NEO1: variants seen among roughly 807,000 people sequenced by gnomAD.
NEO1 encodes neogenin.
NEO1 carries 63 observed loss-of-function variants against 159.7 expected under a neutral mutation model. The observed-to-expected ratio is 0.39, with a 90% CI of 0.32 to 0.49. NEO1 has a LOEUF of 0.49. NEO1 is among the 20% of genes least tolerant of loss of function. The pLI is 0.85. For missense variants in NEO1, 1,615 were observed against 1,831.0 expected (o/e 0.88, Z 2.15); for synonymous variants, 633 against 662.0 (o/e 0.96, Z 0.67).
At chr15:73,217,299 TG>T (rs1261016962) in intron 7 of NEO1, among the ~76,000 whole-genome samples, 1 of 150,508 alleles carries the variant, frequency 6.6e-6, no homozygotes, top group East Asian at 1.9e-4. Context: ...ATCTCTGTTT[TG>T]GTACCAGTAC....
chr15:73,288,749 G>A (rs549840574), intron 24 of NEO1, among the ~76,000 whole-genome samples, 198 bp downstream of exon 24: 61 of 152,046 alleles, frequency 4.0e-4, no homozygotes, highest in Non-Finnish European at 6.8e-4. Flanking sequence ...GTAGCCATAC[G>A]AGACAATCTT....
chr15:73,254,360 C>G (rs963940871), intron 12 of NEO1, among the ~76,000 whole-genome samples: 1 of 152,114 alleles, frequency 6.6e-6, no homozygotes, highest in Admixed American at 6.5e-5. Flanking sequence ...GTTCCCTAAT[C>G]CATGTGCTTC....
chr15:73,134,482 G>A (rs2031513405), intron 4 of NEO1, among the ~76,000 whole-genome samples: 1 of 151,628 alleles, frequency 6.6e-6, no homozygotes, highest in African/African-American at 2.4e-5. Context: ...TATTTATTTA[G>A]AATGAGAATT....
chr15:73,142,120 C>T (rs1371861508), intron 5 of NEO1, among the ~76,000 whole-genome samples: 1 of 151,900 alleles, frequency 6.6e-6, no homozygotes, highest in African/African-American at 2.4e-5. Context: ...CAGCATAAAG[C>T]ACTTTTATTG....
chr15:73,093,470 A>G (rs1044873769), intron 1 of NEO1, among the ~76,000 whole-genome samples: 2 of 151,904 alleles, frequency 1.3e-5, no homozygotes, highest in Non-Finnish European at 2.9e-5. Flanking sequence ...TTTCAACTGT[A>G]TATTATGAAC....
Position 73,293,397 on chromosome 15 carries a change from T to A in NEO1, c.3750T>A (p.Ile1250=). ...PFDSQPPQPV[I]SAHPIHSLDN... is the part of the protein sequence containing the mutation. ...TCTTGTGTTCATTCACAGCTGTGAT[T>A]AGTGCCCATCCCATCCATTCCCTCG... Residue 1250 remains isoleucine (I), a synonymous_variant, in exon 26 of 29, where the codon ATT becomes ATA. Transcript: ENST00000261908. 6.2e-7 allele frequency: 1 copy of A among 1,614,188 alleles called. No homozygotes were observed. The highest frequency in any genetic ancestry group is 8.5e-7 in the Non-Finnish European group (1 of 1,180,026).
chr15:73,181,544 G>A (rs1009352724), intron 7 of NEO1, among the ~76,000 whole-genome samples: 8 of 152,164 alleles, frequency 5.3e-5, no homozygotes, highest in African/African-American at 1.9e-4. Context: ...TCCTGGGGAG[G>A]CCTCAGGAAG....
At chr15:73,100,965 A>C (rs1254067226) in intron 1 of NEO1, among the ~76,000 whole-genome samples, 1 of 152,168 alleles carries the variant, frequency 6.6e-6, no homozygotes, top group East Asian at 1.9e-4. Context: ...TCAAGCCGTT[A>C]ATGATTCCTG....
intron 22 of NEO1, among the ~76,000 whole-genome samples, chr15:73,279,316 T>A (rs1222869254): frequency 6.6e-6 from 1 of 151,370 alleles, no homozygotes; most frequent in African/African-American, 2.4e-5. Flanking sequence ...ATGTATTCAC[T>A]CATGCATGCA....
chr15:73,089,371 T>A (rs1007333771), intron 1 of NEO1, among the ~76,000 whole-genome samples: 1 of 152,102 alleles, frequency 6.6e-6, no homozygotes, highest in Non-Finnish European at 1.5e-5. Context: ...AGAAAAAATA[T>A]CTCCTAGGCA....
intron 4 of NEO1, among the ~76,000 whole-genome samples, chr15:73,133,510 T>C (rs1452921993): frequency 6.6e-6 from 1 of 152,212 alleles, no homozygotes; most frequent in African/African-American, 2.4e-5. Context: ...AACTTTTTCA[T>C]GTAACCAAAC....
chr15:73,212,687 G>C (rs902113997), intron 7 of NEO1, among the ~76,000 whole-genome samples: 1 of 151,238 alleles, frequency 6.6e-6, no homozygotes, highest in Non-Finnish European at 1.5e-5. Context: ...TGGACCCAAA[G>C]ATAACATGTA....
At chr15:73,107,123 C>T (rs2070734863) in intron 1 of NEO1, among the ~76,000 whole-genome samples, 1 of 152,166 alleles carries the variant, frequency 6.6e-6, no homozygotes, top group South Asian at 2.1e-4. Flanking sequence ...TGGGAAAACC[C>T]AGCACCTCTG....
At chr15:73,266,743 A>G (rs539716840) in intron 16 of NEO1, among the ~76,000 whole-genome samples, 1 of 152,326 alleles carries the variant, frequency 6.6e-6, no homozygotes, top group East Asian at 1.9e-4. Flanking sequence ...AAGTGAGTCA[A>G]AAACAAAAAA....
At chr15:73,294,309 A>C (rs1284581902) in intron 26 of NEO1, among the ~76,000 whole-genome samples, 3 of 152,202 alleles carry the variant, frequency 2.0e-5, no homozygotes, top group Non-Finnish European at 4.4e-5. Flanking sequence ...TTTCATCCTC[A>C]GTTTTAAACG....
chr15:73,248,847 G>A (rs543891240), intron 9 of NEO1, among the ~76,000 whole-genome samples: 1 of 152,230 alleles, frequency 6.6e-6, no homozygotes, highest in East Asian at 1.9e-4. Flanking sequence ...TAAATCACAA[G>A]GAAAGTTTTT....
At chr15:73,217,596 T>C (rs1384249833) in intron 7 of NEO1, among the ~76,000 whole-genome samples, 1 of 152,216 alleles carries the variant, frequency 6.6e-6, no homozygotes, top group Non-Finnish European at 1.5e-5. Context: ...TGTATCCTCT[T>C]CTATTTCATT....
chr15:73,274,634 T>A (rs1033874689), intron 20 of NEO1, 58 bp from the exon 21 acceptor site: 2 of 1,568,548 alleles, frequency 1.3e-6, no homozygotes, highest in Non-Finnish European at 1.7e-6. Context: ...GCCTGTCCCA[T>A]CTTCAAAGCT....
intron 1 of NEO1, among the ~76,000 whole-genome samples, chr15:73,079,410 T>C (rs1007936024): frequency 6.6e-6 from 1 of 152,250 alleles, no homozygotes; most frequent in Admixed American, 6.5e-5. Flanking sequence ...TACTGCGTTA[T>C]AGTTGAAATG....
Sources: gnomAD v4.1 joint callset for allele counts (sites outside exome capture counted in the v4.1 genomes callset) on GRCh38, gnomAD v4.1.1 for gene constraint, MANE v1.5 for transcripts, NCBI Gene and HGNC (gene_info 2026-07-23, HGNC 2026-07-21) for gene names.